Variants in ARHGEF37 observed in about 807,000 individuals in gnomAD.
ARHGEF37 encodes the protein Rho guanine nucleotide exchange factor (GEF) 37.
A neutral mutation model predicts 71.1 loss-of-function variants in ARHGEF37; 55 were observed. The ratio of observed to expected loss-of-function variants is 0.77; its 90% CI spans 0.62 to 0.97. The LOEUF is 0.97. ARHGEF37 is among the 50% of genes least tolerant of loss of function. The probability of loss-of-function intolerance (pLI) is 0.00; values close to 1 mark genes in which losing one functional copy is unlikely to be tolerated. For synonymous variants in ARHGEF37, 327 were observed against 350.6 expected, an observed-to-expected ratio of 0.93 and a Z score of 0.75; for missense variants, 765 against 836.8, an observed-to-expected ratio of 0.91 and a Z score of 1.06.
At chr5:149,598,805 T>G (rs953147467) in intron 2 of ARHGEF37, among the ~76,000 whole-genome samples, 66 of 147,278 alleles carry the variant, frequency 4.5e-4, no homozygotes, top group African/African-American at 1.6e-3. Context: ...TATAGATATA[T>G]ATATGTGTGT....
In ARHGEF37 at chr5:149,612,190, T is replaced by C. The variant is rs189645538; in HGVS notation, c.458+2495T>C. On this transcript the variant is annotated intron_variant, in intron 4 of 12. Transcript: ENST00000333677. ...ACCTGACTTTCTCTTTTTTTTGAGATGGAGTCTCGCTCTGTCGCCCAGGCT... is the reference window on the plus strand; with the variant it reads ...ACCTGACTTTCTCTTTTTTTTGAGACGGAGTCTCGCTCTGTCGCCCAGGCT... Among the ~76,000 whole-genome samples, 1,137 of 151,984 alleles carry C rather than the reference T, an allele frequency of 7.5e-3. 20 individuals carry two copies. The highest frequency in any genetic ancestry group is 0.025 in the African/African-American group (1,049 of 41,516).
chr5:149,621,265 C>T (rs1752529966), intron 8 of ARHGEF37, among the ~76,000 whole-genome samples: 1 of 152,042 alleles, frequency 6.6e-6, no homozygotes, highest in Admixed American at 6.6e-5. Context: ...TTGTTAGAGA[C>T]CACTGTGGGC....
intron 1 of ARHGEF37, among the ~76,000 whole-genome samples, chr5:149,574,624 A>G (rs1407805803): frequency 6.6e-6 from 1 of 152,142 alleles, no homozygotes; most frequent in Non-Finnish European, 1.5e-5. Flanking sequence ...CCTAGTCTAT[A>G]TTGCCAGTCC....
rs58263212 is a variant in ARHGEF37 at position 149,626,241 on chromosome 5, A to AACACAC, written c.1465-794_1465-789dup. Among the ~76,000 whole-genome samples, 816 of 133,718 alleles carry AACACAC rather than the reference A, an allele frequency of 6.1e-3. 2 individuals are homozygous for AACACAC. Among genetic ancestry groups the AACACAC allele is most frequent in the African/African-American group, 9.3e-3 (349 of 37,476 alleles). The allele number at this position is 133,718 out of a possible 152,430, so 87.7% of individuals were successfully genotyped here. On this transcript the variant is annotated intron_variant, in intron 10 of 12. Coordinates refer to ENST00000333677, the MANE Select transcript of ARHGEF37 (RefSeq NM_001001669.3). ...AGGAGTAACCACATAGAGCATGGTG[A>AACACAC]ACACACACACACACACACACACACA... is the stretch of plus-strand genomic sequence containing the variant.
At chr5:149,631,936 A>T in intron 12 of ARHGEF37, 46 bp from the exon 13 acceptor site, 2 of 1,596,256 alleles carry the variant, frequency 1.3e-6, no homozygotes, top group Non-Finnish European at 1.7e-6. Context: ...CAGTCTGTCT[A>T]CCTTCTCACC....
chr5:149,577,626 C>T (rs1487277019), upstream of ARHGEF37, among the ~76,000 whole-genome samples: 1 of 152,210 alleles, frequency 6.6e-6, no homozygotes, highest in East Asian at 1.9e-4. Context: ...ACCCACTTCT[C>T]CAGGTTTGGA....
chr5:149,567,971 TTCTC>T (rs1322014792), intron 1 of ARHGEF37, among the ~76,000 whole-genome samples: 3 of 152,284 alleles, frequency 2.0e-5, no homozygotes, highest in South Asian at 2.1e-4. Context: ...CTTCCTCTCT[TTCTC>T]TCTCTCATCA....
intron 12 of ARHGEF37, among the ~76,000 whole-genome samples, chr5:149,629,967 T>A (rs1019966846): frequency 2.1e-5 from 3 of 145,468 alleles, no homozygotes; most frequent in Non-Finnish European, 4.5e-5. Context: ...TTCCATTATG[T>A]GGATGTCCAG....
intron 5 of ARHGEF37, 123 bp downstream of exon 5, chr5:149,616,889 G>A: frequency 9.7e-7 from 1 of 1,036,016 alleles, no homozygotes; most frequent in Non-Finnish European, 1.4e-6. Flanking sequence ...AAATCCAGAG[G>A]TAATGCAAGC....
chr5:149,621,865 G>A lies in ARHGEF37; in HGVS notation c.1138G>A (p.Glu380Lys). The change falls in exon 9 of 13, where the codon GAG (glutamate) becomes AAG (lysine). Residue 380 changes from glutamate (E) to lysine (K), a missense_variant. By Grantham distance (56) the Glu-to-Lys change is moderately conservative (BLOSUM62 1). Around this residue, in one of 5 missense-constraint regions of ARHGEF37, gnomAD observed 390 missense variants for 407.4 expected, o/e 0.96. Coordinates refer to ENST00000333677, the MANE Select transcript of ARHGEF37 (RefSeq NM_001001669.3). ...DFERVEEKLLEVGSVTYQEEA... is the reference protein window; with the variant it reads ...DFERVEEKLLKVGSVTYQEEA... ...TGAGCGGGTGGAAGAGAAGCTGCTG[G>A]AGGTGGGCAGTGTGACCTACCAGGA... 6.2e-7 allele frequency: 1 copy of A among 1,614,240 alleles called. No homozygotes were observed. The highest frequency in any genetic ancestry group is 8.5e-7 in the Non-Finnish European group (1 of 1,180,056).
At chr5:149,605,240 A>AG (rs1420573851) in intron 3 of ARHGEF37, among the ~76,000 whole-genome samples, 2 of 150,986 alleles carry the variant, frequency 1.3e-5, no homozygotes, top group African/African-American at 4.9e-5. Context: ...AAAAAAAAAA[A>AG]AGAAAAGAAA....
intron 1 of ARHGEF37, among the ~76,000 whole-genome samples, chr5:149,564,498 T>C (rs1165649550): frequency 6.6e-6 from 1 of 152,146 alleles, no homozygotes; most frequent in Admixed American, 6.5e-5. Flanking sequence ...AGGAAACTGC[T>C]CATCTCTTTC....
chr5:149,628,866 C>G lies in ARHGEF37; in HGVS notation c.1718C>G (p.Ala573Gly), dbSNP rs779896045. Residue 573 changes from alanine (A) to glycine (G), a missense_variant, in exon 12 of 13, where the codon GCA becomes GGA. This residue lies in a region of ARHGEF37 where 390 missense variants were observed against 407.4 expected (regional missense o/e 0.96). Coordinates refer to ENST00000333677, the MANE Select transcript of ARHGEF37 (RefSeq NM_001001669.3). Reference sequence around the variant, plus strand: ...CAGCTGTACCATGTGGTCCCCAGTGCAGAGGAGCTCAGAAGGCAGGCGGGG... The same window carrying G: ...CAGCTGTACCATGTGGTCCCCAGTGGAGAGGAGCTCAGAAGGCAGGCGGGG... Reference protein sequence around the residue: ...KLQLYHVVPSAEELRRQAGLN... With the variant: ...KLQLYHVVPSGEELRRQAGLN... The G allele has an allele frequency of 1.9e-6, 3 of 1,613,672 alleles. No homozygotes were observed. The highest frequency in any genetic ancestry group is 2.7e-5 in the African/African-American group (2 of 74,924).
chr5:149,568,260 C>CA (rs963124871), intron 1 of ARHGEF37, among the ~76,000 whole-genome samples: 13 of 152,000 alleles, frequency 8.6e-5, no homozygotes, highest in Non-Finnish European at 1.5e-4. Context: ...CTCCTGTGCT[C>CA]AAAGAGTACT....
At chr5:149,609,444 A>C in intron 3 of ARHGEF37, 104 bp from the exon 4 acceptor site, 1 of 1,304,406 alleles carries the variant, frequency 7.7e-7, no homozygotes, top group Non-Finnish European at 1.1e-6. Flanking sequence ...AAACCCAGCA[A>C]TCTCACTGGA....
At position 149,632,243 on chromosome 5, in the gene ARHGEF37, T is replaced by C; in HGVS notation, c.*52T>C. 6.3e-7 allele frequency: 1 copy of C among 1,586,570 alleles called. No individual in the cohort carries two copies. The highest frequency in any genetic ancestry group is 8.6e-7 in the Non-Finnish European group (1 of 1,160,446). ...CAAATGATGGGGGAGGCTTAGAGGC[T>C]CTGACCCTGGGGGGAAAAGAAGCAA... On this transcript the variant is annotated 3_prime_UTR_variant, in exon 13 of 13. Transcript: ENST00000333677.
intron 1 of ARHGEF37, among the ~76,000 whole-genome samples, chr5:149,593,349 C>T (rs974445268): frequency 1.3e-5 from 2 of 152,228 alleles, no homozygotes; most frequent in African/African-American, 4.8e-5. Flanking sequence ...TAGGCAATTG[C>T]CAATCTTTCT....
At chr5:149,573,376 G>C (rs1366793166) in intron 1 of ARHGEF37, among the ~76,000 whole-genome samples, 1 of 152,196 alleles carries the variant, frequency 6.6e-6, no homozygotes, top group East Asian at 1.9e-4. Flanking sequence ...CTCTGTGTGT[G>C]TATGTATACA....
intron 3 of ARHGEF37, among the ~76,000 whole-genome samples, chr5:149,605,176 G>A (rs1419624273): frequency 2.0e-5 from 3 of 149,252 alleles, no homozygotes; most frequent in Non-Finnish European, 4.4e-5. Context: ...GCAGTGAGCC[G>A]AGATTGTGCC....
Sources: allele counts gnomAD v4.1 joint callset (sites outside exome capture counted in the v4.1 genomes callset), GRCh38; gene constraint gnomAD v4.1.1; regional missense constraint gnomAD v4.1.1; transcripts MANE v1.5; gene names NCBI Gene and HGNC (gene_info 2026-07-23, HGNC 2026-07-21).